The following PKHD1 variants were observed in gnomAD, a reference collection of about 807,000 sequenced individuals.
PKHD1 encodes fibrocystin.
In PKHD1, 291 loss-of-function variants were observed where a neutral mutation model predicts 412.0. The ratio of observed to expected loss-of-function variants is 0.71; its 90% CI spans 0.64 to 0.78. PKHD1 has a LOEUF of 0.78. Among genes scored for constraint, PKHD1 ranks in the 30% least tolerant of loss-of-function variants. The pLI is 0.00. For missense variants in PKHD1, 4,825 were observed against 4,950.7 expected (o/e 0.97, Z 0.76); for synonymous variants, 1,777 against 1,821.5 (o/e 0.98, Z 0.62).
intron 24 of PKHD1, among the ~76,000 whole-genome samples, chr6:52,045,539 C>T (rs962841083): frequency 2.0e-5 from 3 of 152,164 alleles, no homozygotes; most frequent in Admixed American, 6.5e-5. Context: ...TCATCTTGGG[C>T]TTCATTTTAT....
intron 50 of PKHD1, among the ~76,000 whole-genome samples, chr6:51,845,333 T>C (rs1479081972): frequency 6.6e-6 from 1 of 152,160 alleles, no homozygotes; most frequent in Non-Finnish European, 1.5e-5. Context: ...TCCTGCTGAG[T>C]CCTCATACCA....
chr6:52,059,172 G>C (rs559362606), intron 15 of PKHD1, among the ~76,000 whole-genome samples: 4 of 151,822 alleles, frequency 2.6e-5, no homozygotes, highest in Non-Finnish European at 5.9e-5. Context: ...TTTGTAGTCA[G>C]GTAAATTTGG....
chr6:51,754,799 T>A lies in PKHD1; in HGVS notation c.8782A>T (p.Lys2928Ter), dbSNP rs2151020303. Residue 2928 changes from lysine to a stop codon, truncating the protein, a stop_gained, in exon 56 of 67, where the codon AAA (lysine) becomes TAA (stop). Transcript: ENST00000371117. LOFTEE classifies it high-confidence loss of function. ...GHHVRIYERLKHRHIGSVHVT... is the reference protein window; with the variant it reads ...GHHVRIYERL ...AAAGCCTTACCAATATGCCGGTGTT[T>A]GAGCCGTTCATAGATCCTCACATGG... 1 of 1,613,666 alleles carries A rather than the reference T, an allele frequency of 6.2e-7. No individual in the cohort carries two copies. The highest frequency in any genetic ancestry group is 8.5e-7 in the Non-Finnish European group (1 of 1,179,664).
intron 60 of PKHD1, among the ~76,000 whole-genome samples, chr6:51,738,916 A>C (rs963566402): frequency 9.9e-5 from 15 of 152,030 alleles, no homozygotes; most frequent in Non-Finnish European, 1.6e-4. Flanking sequence ...TCGCCTGCAC[A>C]CAAGACACAC....
At chr6:51,798,247 T>G (rs1794898460) in intron 52 of PKHD1, among the ~76,000 whole-genome samples, 1 of 151,996 alleles carries the variant, frequency 6.6e-6, no homozygotes, top group Non-Finnish European at 1.5e-5. Flanking sequence ...GGCATGGTGA[T>G]GCATACCTGT....
intron 60 of PKHD1, chr6:51,739,933 G>A (rs1000758210): frequency 2.9e-5 from 15 of 517,322 alleles, no homozygotes; most frequent in African/African-American, 9.6e-5. Context: ...TGGGACAGAC[G>A]GAAACTGAGT....
intron 55 of PKHD1, among the ~76,000 whole-genome samples, chr6:51,758,311 A>G (rs1356709778): frequency 1.3e-5 from 2 of 152,130 alleles, no homozygotes; most frequent in Non-Finnish European, 2.9e-5. Flanking sequence ...TTCCACGTCT[A>G]TGTCCATATA....
At chr6:51,702,698 A>G (rs1779589511) in intron 60 of PKHD1, among the ~76,000 whole-genome samples, 1 of 152,030 alleles carries the variant, frequency 6.6e-6, no homozygotes, top group South Asian at 2.1e-4. Context: ...TTTAGAATGC[A>G]GACAGAATGA....
intron 50 of PKHD1, among the ~76,000 whole-genome samples, chr6:51,845,418 G>A (rs564408485): frequency 6.6e-6 from 1 of 152,300 alleles, no homozygotes; most frequent in Non-Finnish European, 1.5e-5. Context: ...AGAGGATAAA[G>A]GAGGCACCAA....
intron 43 of PKHD1, 134 bp from the exon 44 acceptor site, chr6:51,887,379 A>T: frequency 4.3e-6 from 3 of 699,076 alleles, no homozygotes; most frequent in South Asian, 1.6e-5. Flanking sequence ...TCTATTATAG[A>T]CTCATTTATT....
chr6:51,844,230 C>A (rs139757587), intron 50 of PKHD1, among the ~76,000 whole-genome samples: 1 of 152,166 alleles, frequency 6.6e-6, no homozygotes, highest in African/African-American at 2.4e-5. Context: ...AACAAAGCCA[C>A]TGAGGCATGG....
chr6:51,909,273 A>ACCT lies in PKHD1; in HGVS notation c.6682+9_6682+10insAGG. 6.2e-7 allele frequency: 1 copy of ACCT among 1,608,200 alleles called. No homozygotes were observed. The highest frequency in any genetic ancestry group is 1.1e-5 in the South Asian group (1 of 90,952). On this transcript the variant is annotated intron_variant, in intron 40 of 66. Coordinates refer to ENST00000371117, the MANE Select transcript of PKHD1 (RefSeq NM_138694.4). ...AAACATGAGAAAGTCCTAGGTCCGG[A>ACCT]CCCCCTTACCTCTCATAGCTCCCAC...
chr6:51,967,117 A>G (rs1339204000), intron 35 of PKHD1, among the ~76,000 whole-genome samples: 1 of 152,100 alleles, frequency 6.6e-6, no homozygotes, highest in East Asian at 1.9e-4. Flanking sequence ...AGACCTGGGT[A>G]GACATCAAGT....
At chr6:51,834,272 G>T (rs2151534433) in intron 51 of PKHD1, among the ~76,000 whole-genome samples, 1 of 152,258 alleles carries the variant, frequency 6.6e-6, no homozygotes, top group South Asian at 2.1e-4. Context: ...GATGCAGGAA[G>T]GGATGAGTTA....
rs745870261 is a variant in PKHD1 at position 52,058,389 on chromosome 6, C to T, written c.1446G>A (p.Val482=). The part of the protein sequence containing the change: ...QIHNTWLNPD[V]VTTYLREKHQ... ...GCTTCTCCCGTAGGTAAGTGGTGAC[C>T]ACATCAGGATTCAGCCAGGTGTTGT... The change falls in exon 16 of 67, where the codon GTG becomes GTA. Residue 482 remains valine (V), a synonymous_variant. Coordinates refer to ENST00000371117, the MANE Select transcript of PKHD1 (RefSeq NM_138694.4). 11 of 1,614,134 alleles carry T rather than the reference C, an allele frequency of 6.8e-6. No homozygotes were observed. The highest frequency in any genetic ancestry group is 7.6e-6 in the Non-Finnish European group (9 of 1,180,016).
chr6:51,722,132 C>T, intron 60 of PKHD1: 8 of 1,560,634 alleles, frequency 5.1e-6, no homozygotes, highest in Non-Finnish European at 7.0e-6. Context: ...TGAAAATACC[C>T]CACACCTTGT....
In PKHD1 at chr6:51,704,637, G is replaced by A. The variant is rs185068688; in HGVS notation, c.10156+39748C>T. The stretch of plus-strand genomic sequence containing the variant: ...TTGTGACTCTGTGAAGGATGGAACC[G>A]AGGGAGGTGCAGTCAAGGGTGACTA... On this transcript the variant is annotated intron_variant, in intron 60 of 66. Transcript: ENST00000371117. Among the ~76,000 whole-genome samples, 80 of 152,180 alleles carry A rather than the reference G, an allele frequency of 5.3e-4. 1 individual carries two copies. Among genetic ancestry groups the A allele is most frequent in the African/African-American group, 1.6e-3 (67 of 41,558 alleles).
At chr6:52,013,675 A>C (rs571389116) in intron 34 of PKHD1, among the ~76,000 whole-genome samples, 2 of 152,288 alleles carry the variant, frequency 1.3e-5, no homozygotes, top group African/African-American at 4.8e-5. Context: ...CACTGCACAC[A>C]CACACACATA....
intron 43 of PKHD1, among the ~76,000 whole-genome samples, chr6:51,895,024 A>G (rs1332566009): frequency 6.6e-6 from 1 of 152,240 alleles, no homozygotes; most frequent in African/African-American, 2.4e-5. Flanking sequence ...TTATACACAT[A>G]CACACAAATA....
Sources: allele counts gnomAD v4.1 joint callset (sites outside exome capture counted in the v4.1 genomes callset), GRCh38; gene constraint gnomAD v4.1.1; transcripts MANE v1.5; gene names NCBI Gene and HGNC (gene_info 2026-07-23, HGNC 2026-07-21).